The following OSBPL1A variants were observed in gnomAD, a reference collection of about 807,000 sequenced individuals.
OSBPL1A encodes the protein oxysterol binding protein like 1A.
In OSBPL1A, 80 loss-of-function variants were observed where a neutral mutation model predicts 137.1. The observed-to-expected ratio is 0.58, with a 90% CI of 0.49 to 0.70. The LOEUF (loss-of-function observed/expected upper bound fraction) is 0.70, where lower values mean the gene tolerates loss of function less well. Among genes scored for constraint, OSBPL1A ranks in the 30% least tolerant of loss-of-function variants. The pLI is 0.00. For synonymous variants in OSBPL1A, 365 were observed against 389.7 expected, an observed-to-expected ratio of 0.94 and a Z score of 0.75; for missense variants, 970 against 1,129.4, an observed-to-expected ratio of 0.86 and a Z score of 2.02.
chr18:24,253,167 C>CGGG (rs1340675508), intron 15 of OSBPL1A, among the ~76,000 whole-genome samples: 1 of 95,042 alleles, frequency 1.1e-5, no homozygotes, highest in Non-Finnish European at 2.2e-5. Context: ...AAAGACATGG[C>CGGG]GGGGGGGGGC....
chr18:24,347,099 G>A (rs544150542), intron 4 of OSBPL1A, among the ~76,000 whole-genome samples: 40 of 152,180 alleles, frequency 2.6e-4, no homozygotes, highest in South Asian at 1.7e-3. Context: ...TTCCCGTATT[G>A]ATTTTGAAAG....
intron 5 of OSBPL1A, among the ~76,000 whole-genome samples, chr18:24,334,629 G>C (rs1213313178): frequency 6.6e-6 from 1 of 152,130 alleles, no homozygotes; most frequent in Non-Finnish European, 1.5e-5. Flanking sequence ...ATTTGCCTTG[G>C]AAAGGTAGGT....
chr18:24,184,724 C>T (rs1338298464), intron 18 of OSBPL1A, among the ~76,000 whole-genome samples: 1 of 152,186 alleles, frequency 6.6e-6, no homozygotes, highest in South Asian at 2.1e-4. Flanking sequence ...ATGCCCCCAT[C>T]ACCTCACAGA....
chr18:24,341,478 C>A, intron 5 of OSBPL1A, 69 bp downstream of exon 5: 1 of 1,166,804 alleles, frequency 8.6e-7, no homozygotes, highest in South Asian at 1.3e-5. Context: ...TTCTCAGAAG[C>A]CATTTTTAGT....
chr18:24,176,384 T>G (rs781293363), intron 21 of OSBPL1A, among the ~76,000 whole-genome samples: 10 of 152,370 alleles, frequency 6.6e-5, no homozygotes, highest in Non-Finnish European at 1.5e-4. Context: ...CCTTTACATA[T>G]TTTGACATTT....
chr18:24,387,315 A>G (rs1907015700), intron 1 of OSBPL1A, among the ~76,000 whole-genome samples: 1 of 152,020 alleles, frequency 6.6e-6, no homozygotes, highest in Non-Finnish European at 1.5e-5. Flanking sequence ...TTGGTCTCCC[A>G]AAGTGCTAGG....
At chr18:24,350,040 C>T (rs2091411593) in intron 4 of OSBPL1A, among the ~76,000 whole-genome samples, 2 of 152,168 alleles carry the variant, frequency 1.3e-5, no homozygotes, top group African/African-American at 4.8e-5. Flanking sequence ...AAGGGAAGAT[C>T]CCATCTGACC....
intron 22 of OSBPL1A, 64 bp downstream of exon 22, chr18:24,172,312 T>A: frequency 8.6e-7 from 1 of 1,163,816 alleles, no homozygotes; most frequent in Non-Finnish European, 1.3e-6. Context: ...ACAAAAAAAC[T>A]GATGTCCACT....
intron 25 of OSBPL1A, 46 bp from the exon 26 acceptor site, chr18:24,166,748 T>A: frequency 6.4e-7 from 1 of 1,574,572 alleles, no homozygotes; most frequent in Non-Finnish European, 8.6e-7. Flanking sequence ...CAAGGCATAA[T>A]GCAAAATGAA....
chr18:24,361,179 G>C (rs1258361143), intron 4 of OSBPL1A, among the ~76,000 whole-genome samples: 2 of 152,222 alleles, frequency 1.3e-5, no homozygotes, highest in East Asian at 3.9e-4. Context: ...ACAGATGCAT[G>C]CTACCACATC....
intron 2 of OSBPL1A, among the ~76,000 whole-genome samples, chr18:24,369,997 G>T (rs566865197): frequency 1.3e-5 from 2 of 152,164 alleles, no homozygotes; most frequent in Non-Finnish European, 2.9e-5. Flanking sequence ...CAAGGATGGC[G>T]GACTGCTTGA....
chr18:24,188,886 A>G (rs1197478378), intron 18 of OSBPL1A, among the ~76,000 whole-genome samples: 1 of 152,178 alleles, frequency 6.6e-6, no homozygotes, highest in East Asian at 1.9e-4. Flanking sequence ...TTCACTTCCA[A>G]TCCAATGAAG....
chr18:24,217,258 CTTT>C (rs562612104), intron 17 of OSBPL1A, among the ~76,000 whole-genome samples: 7 of 131,468 alleles, frequency 5.3e-5, no homozygotes, highest in Non-Finnish European at 9.6e-5. Context: ...AAGTTTTGCT[CTTT>C]TTTTTTTTTT....
intron 13 of OSBPL1A, among the ~76,000 whole-genome samples, chr18:24,310,613 A>G (rs972567828): frequency 2.6e-5 from 4 of 150,994 alleles, no homozygotes; most frequent in East Asian, 1.9e-4. Context: ...AAAAAAAAAA[A>G]AAAAGAAAAG....
Position 24,170,326 on chromosome 18 carries a change from C to T in OSBPL1A, c.2418+1G>A. ...TCGATACCACCTTACAGGATGTTCACCTGTTTGCTGTTCTTCTTCTCTTCT... is the reference window on the plus strand; with the variant it reads ...TCGATACCACCTTACAGGATGTTCATCTGTTTGCTGTTCTTCTTCTCTTCT... On this transcript the variant is annotated splice_donor_variant, in intron 24 of 27. Coordinates refer to ENST00000319481, the MANE Select transcript of OSBPL1A (RefSeq NM_080597.4). LOFTEE classifies it high-confidence loss of function. 3.1e-6 allele frequency: 5 copies of T among 1,614,070 alleles called. No individual in the cohort carries two copies. The highest frequency in any genetic ancestry group is 4.2e-6 in the Non-Finnish European group (5 of 1,180,008).
At chr18:24,187,237 G>A (rs1330713865) in intron 18 of OSBPL1A, among the ~76,000 whole-genome samples, 1 of 151,980 alleles carries the variant, frequency 6.6e-6, no homozygotes, top group African/African-American at 2.4e-5. Flanking sequence ...GCTGATGAAG[G>A]GGAAGTAGGG....
chr18:24,329,667 A>C (rs1325824666), intron 7 of OSBPL1A, among the ~76,000 whole-genome samples: 1 of 152,054 alleles, frequency 6.6e-6, no homozygotes, highest in African/African-American at 2.4e-5. Flanking sequence ...AATATATATT[A>C]ACTGAATATA....
chr18:24,225,786 A>T (rs2088057230), intron 16 of OSBPL1A, among the ~76,000 whole-genome samples: 1 of 151,786 alleles, frequency 6.6e-6, no homozygotes, highest in Non-Finnish European at 1.5e-5. Context: ...AGACAGCAAG[A>T]CCTCATCTCT....
At chr18:24,310,731 A>G (rs1489731968) in intron 13 of OSBPL1A, among the ~76,000 whole-genome samples, 1 of 77,578 alleles carries the variant, frequency 1.3e-5, no homozygotes, top group Admixed American at 1.2e-4. Flanking sequence ...CCTAGGAAAG[A>G]TATTAGTATG....
Sources: allele counts gnomAD v4.1 joint callset (sites outside exome capture counted in the v4.1 genomes callset), GRCh38; gene constraint gnomAD v4.1.1; transcripts MANE v1.5; gene names NCBI Gene and HGNC (gene_info 2026-07-23, HGNC 2026-07-21).